The following SMARCC1 variants were observed in gnomAD, a reference collection of about 807,000 sequenced individuals.
SMARCC1 encodes SWI/SNF complex subunit SMARCC1.
SMARCC1 carries 43 observed loss-of-function variants against 147.4 expected under a neutral mutation model. That is an observed-to-expected ratio of 0.29 (90% CI 0.23 to 0.38). SMARCC1 has a LOEUF of 0.38. SMARCC1 is among the 10% of genes least tolerant of loss of function. The probability of loss-of-function intolerance (pLI) is 1.00; values close to 1 mark genes in which losing one functional copy is unlikely to be tolerated. For missense variants in SMARCC1, 1,119 were observed against 1,381.1 expected (o/e 0.81, Z 3.01); for synonymous variants, 495 against 484.4 (o/e 1.02, Z -0.29).
At chr3:47,650,489 T>A (rs193047042) in intron 21 of SMARCC1, among the ~76,000 whole-genome samples, 2 of 151,874 alleles carry the variant, frequency 1.3e-5, no homozygotes, top group African/African-American at 2.4e-5. Flanking sequence ...TAAAAAAATA[T>A]CTACCTGTAA....
chr3:47,608,667 G>A (rs1302804955), intron 26 of SMARCC1, among the ~76,000 whole-genome samples: 4 of 151,784 alleles, frequency 2.6e-5, no homozygotes, highest in Non-Finnish European at 5.9e-5. Context: ...GCTACAAGGC[G>A]AAACCCTATC....
At chr3:47,663,581 G>C in intron 19 of SMARCC1, 1 of 1,380,798 alleles carries the variant, frequency 7.2e-7, no homozygotes. Context: ...CCCTGTCTTA[G>C]GTCGCGATTT....
intron 3 of SMARCC1, 25 bp downstream of exon 3, chr3:47,745,883 C>A: frequency 7.2e-7 from 1 of 1,390,442 alleles, no homozygotes; most frequent in Non-Finnish European, 9.8e-7. Context: ...AAGATCAAAA[C>A]ATGCAAACAA....
At chr3:47,714,080 T>A (rs2034125220) in intron 8 of SMARCC1, among the ~76,000 whole-genome samples, 2 of 152,222 alleles carry the variant, frequency 1.3e-5, no homozygotes, top group Non-Finnish European at 2.9e-5. Flanking sequence ...AAGAATTTTT[T>A]TGGCCAGGCA....
At chr3:47,743,917 A>C (rs1286751073) in intron 3 of SMARCC1, among the ~76,000 whole-genome samples, 6 of 152,156 alleles carry the variant, frequency 3.9e-5, no homozygotes, top group African/African-American at 1.4e-4. Flanking sequence ...TTCTATCCTC[A>C]AGTGTCCAGG....
chr3:47,619,218 T>A (rs2032691969), intron 25 of SMARCC1, among the ~76,000 whole-genome samples: 1 of 152,208 alleles, frequency 6.6e-6, no homozygotes, highest in Non-Finnish European at 1.5e-5. Context: ...GTATTGTCGT[T>A]ATTTGTTGAC....
rs771549148 is a variant in SMARCC1 at position 47,590,803 on chromosome 3, C to G, written c.3078G>C (p.Gly1026=). The G allele has an allele frequency of 1.2e-6, 2 of 1,601,862 alleles. No individual in the cohort carries two copies. Among genetic ancestry groups the G allele is most frequent in the South Asian group, 1.1e-5 (1 of 88,814 alleles). The change falls in exon 27 of 28, where the codon GGG becomes GGC. Residue 1026 remains glycine (G), a synonymous_variant. Coordinates refer to ENST00000254480, the MANE Select transcript of SMARCC1 (RefSeq NM_003074.4). ...QIPGPGSMMP[G]QHMPGRMIPT... Reference sequence around the variant, plus strand: ...GAATCATGCGGCCTGGCATGTGCTGCCCGGGCATCATGGAACCTGGGCCTG... The same window carrying G: ...GAATCATGCGGCCTGGCATGTGCTGGCCGGGCATCATGGAACCTGGGCCTG...
intron 2 of SMARCC1, 138 bp downstream of exon 2, chr3:47,772,679 C>T: frequency 2.8e-6 from 2 of 706,544 alleles, no homozygotes; most frequent in South Asian, 2.5e-5. Context: ...TAGTAATATT[C>T]TATAACTAAA....
chr3:47,741,066 GA>G (rs2034504131), intron 3 of SMARCC1, among the ~76,000 whole-genome samples: 2 of 151,872 alleles, frequency 1.3e-5, no homozygotes, highest in Admixed American at 1.3e-4. Context: ...AACCAAATCA[GA>G]CTAAGCTTCT....
Position 47,781,839 on chromosome 3 carries a change from C to A in SMARCC1, c.-42G>T. ...CCCCACAGCCTGGCCCACCCCGGCC[C>A]TCGCGGTGTTTCCCGGTCGTTCCCG... On this transcript the variant is annotated 5_prime_UTR_variant, in exon 1 of 28. It adds an upstream start codon to the 5' untranslated region. Coordinates refer to ENST00000254480, the MANE Select transcript of SMARCC1 (RefSeq NM_003074.4). 7.8e-7 allele frequency: 1 copy of A among 1,274,820 alleles called. No individual in the cohort carries two copies. Among genetic ancestry groups the A allele is most frequent in the Non-Finnish European group, 1.0e-6 (1 of 1,002,822 alleles). 79.0% of individuals were successfully genotyped at this position (1,274,820 alleles called of 1,614,324 possible).
intron 21 of SMARCC1, among the ~76,000 whole-genome samples, chr3:47,643,421 T>G (rs939781155): frequency 1.3e-5 from 2 of 152,054 alleles, no homozygotes; most frequent in African/African-American, 4.8e-5. Context: ...ATAATTAAAC[T>G]GGATTAGAAT....
intron 14 of SMARCC1, among the ~76,000 whole-genome samples, chr3:47,682,583 A>G (rs535929260): frequency 6.2e-4 from 94 of 152,304 alleles, no homozygotes; most frequent in African/African-American, 2.1e-3. Context: ...GAGAAAAAGA[A>G]TGCCGGTTTC....
intron 24 of SMARCC1, among the ~76,000 whole-genome samples, chr3:47,631,027 T>C (rs1024701607): frequency 1.3e-4 from 20 of 151,844 alleles, no homozygotes; most frequent in Non-Finnish European, 2.5e-4. Context: ...ATCACATCAC[T>C]GCATTCTAGC....
At chr3:47,675,619 T>C (rs1559641857) in intron 17 of SMARCC1, 31 bp from the exon 18 acceptor site, 5 of 1,195,752 alleles carry the variant, frequency 4.2e-6, no homozygotes, top group Non-Finnish European at 6.2e-6. Flanking sequence ...ATGGCTGAGT[T>C]AGCCTCTTTA....
At chr3:47,678,927 A>G (rs898308553) in intron 15 of SMARCC1, among the ~76,000 whole-genome samples, 1 of 152,222 alleles carries the variant, frequency 6.6e-6, no homozygotes, top group African/African-American at 2.4e-5. Flanking sequence ...CTCTGCAAAT[A>G]GCTATGTAAT....
At chr3:47,725,197 A>G (rs1164017923) in intron 6 of SMARCC1, among the ~76,000 whole-genome samples, 1 of 152,044 alleles carries the variant, frequency 6.6e-6, no homozygotes, top group Non-Finnish European at 1.5e-5. Flanking sequence ...ATATTATGCT[A>G]AATGAAAAGA....
rs2032545451 is a variant in SMARCC1 at position 47,610,311 on chromosome 3, T to A, written c.2798A>T (p.Gln933Leu). ...REKEALEQQR[Q>L]QLLTERQNFH... ...GTTTTGGCGTTCAGTAAGCAACTGC[T>A]GCCTCTGTTGTTCTAGCTGTAAGCA... The change falls in exon 26 of 28, where the codon CAG (glutamine) becomes CTG (leucine). Residue 933 changes from glutamine to leucine, a missense_variant. Physicochemically the swap from Gln to Leu is moderately radical, Grantham distance 113. Transcript: ENST00000254480. 6.2e-7 allele frequency: 1 copy of A among 1,614,128 alleles called. No homozygotes were observed. Among genetic ancestry groups the A allele is most frequent in the African/African-American group, 1.3e-5 (1 of 74,946 alleles).
At chr3:47,713,622 T>A (rs1234685701) in intron 8 of SMARCC1, among the ~76,000 whole-genome samples, 1 of 151,846 alleles carries the variant, frequency 6.6e-6, no homozygotes, top group Non-Finnish European at 1.5e-5. Flanking sequence ...TAGCTCAGGC[T>A]GGTCAAGCAA....
intron 26 of SMARCC1, among the ~76,000 whole-genome samples, chr3:47,609,245 C>A (rs1238118606): frequency 2.6e-5 from 4 of 152,140 alleles, no homozygotes; most frequent in African/African-American, 9.7e-5. Flanking sequence ...GCCTATAATC[C>A]CAGCACTTTG....
Sources: allele counts gnomAD v4.1 joint callset (sites outside exome capture counted in the v4.1 genomes callset), GRCh38; gene constraint gnomAD v4.1.1; transcripts MANE v1.5; gene names NCBI Gene and HGNC (gene_info 2026-07-23, HGNC 2026-07-21).